C1R: variants seen among roughly 807,000 people sequenced by gnomAD.
C1R encodes the protein complement C1r subcomponent.
C1R carries 15 observed loss-of-function variants against 27.6 expected under a neutral mutation model. That is an observed-to-expected ratio of 0.54 (90% CI 0.36 to 0.84). The LOEUF is 0.84. Among genes scored for constraint, C1R ranks in the 40% least tolerant of loss-of-function variants. C1R has a pLI of 0.01. For synonymous variants in C1R, 253 were observed against 228.8 expected, an observed-to-expected ratio of 1.11 and a Z score of -0.95; for missense variants, 544 against 577.9, an observed-to-expected ratio of 0.94 and a Z score of 0.60.
At position 7,091,416 on chromosome 12, in the gene C1R, T is replaced by A. The variant is rs756208086; in HGVS notation, c.231+36A>T. On this transcript the variant is annotated intron_variant, in intron 2 of 10. Transcript: ENST00000647956. This position sits in a 1 kb window ranked among gnomAD's most constrained non-coding sequence, Gnocchi z 5.1. ...AGATCCCAGATCCCAGAGGGCCCAG[T>A]TTTGTCTCCCCTCTGCCCGCCCATC... is the stretch of plus-strand genomic sequence containing the variant. The A allele has an allele frequency of 2.8e-6, 2 of 721,140 alleles. No homozygotes were observed. Among genetic ancestry groups the A allele is most frequent in the Non-Finnish European group, 5.2e-6 (2 of 387,230 alleles). 44.7% of individuals were successfully genotyped at this position (721,140 alleles called of 1,614,324 possible).
At chr12:7,086,823 T>C (rs1161409132) in intron 7 of C1R, 9 of 163,242 alleles carry the variant, frequency 5.5e-5, no homozygotes, top group Non-Finnish European at 1.1e-4. Context: ...AAGCCTGTGC[T>C]CCAGGGCAGA....
Position 7,090,143 on chromosome 12 carries a change from G to C in C1R, c.337C>G (p.Leu113Val). ...GAGAAGTCTGTGTGGAAGGTCAGCA[G>C]CATCTTGTTCCCTTGGGACATAAAT... ...KEFMSQGNKM[L>V]LTFHTDFSNE... Residue 113 changes from leucine (L) to valine (V), a missense_variant, in exon 3 of 11, where the codon CTG becomes GTG. This residue lies in a region of C1R where 291 missense variants were observed against 209.0 expected (regional missense o/e 1.39). Transcript: ENST00000647956. 1 of 775,478 alleles carries C rather than the reference G, an allele frequency of 1.3e-6. No homozygotes were observed. Among genetic ancestry groups the C allele is most frequent in the South Asian group, 1.4e-5 (1 of 73,274 alleles). 48.0% of individuals were successfully genotyped at this position (775,478 alleles called of 1,614,324 possible).
chr12:7,080,750 A>C lies in C1R; in HGVS notation c.1900T>G (p.Ser634Ala). ...LRGKNRMDVF[S>A]QNMFCAGHPS... is the part of the protein sequence containing the mutation. ...TGTCCAGCACAGAACATGTTTTGAG[A>C]GAACACATCCATCCTATTCTTTCCC... The change falls in exon 11 of 11, where the codon TCT becomes GCT. Residue 634 changes from serine to alanine, a missense_variant. Ser to Ala is a moderately conservative substitution (Grantham distance 99, BLOSUM62 1). Coordinates refer to ENST00000647956, the MANE Select transcript of C1R (RefSeq NM_001733.7). The surrounding 1 kb of genome is among the most constrained non-coding windows in gnomAD (Gnocchi z 4.9). 1 of 1,613,988 alleles carries C rather than the reference A, an allele frequency of 6.2e-7. No individual in the cohort carries two copies.
At chr12:7,090,741 G>A (rs1000884094) in intron 2 of C1R, among the ~76,000 whole-genome samples, 1 of 152,104 alleles carries the variant, frequency 6.6e-6, no homozygotes, top group African/African-American at 2.4e-5. Context: ...GTGTCAGCAG[G>A]CACTGCCTCG....
rs951955134 is a variant in C1R at position 7,088,406 on chromosome 12, T to A, written c.1038+204A>T. 24 of 702,322 alleles carry A rather than the reference T, an allele frequency of 3.4e-5. No individual in the cohort carries two copies. The African/African-American group carries it at 3.7e-4, about 11-fold the overall frequency. 43.5% of individuals were successfully genotyped at this position (702,322 alleles called of 1,614,324 possible). On this transcript the variant is annotated intron_variant, in intron 7 of 10. Transcript: ENST00000647956. ...AGTGGCTATTCACAGGGGCCTTGAA[T>A]GAATGGGCTCAAGCAATCTTCCAGG...
rs375047432 is a variant in C1R, at chr12:7,080,630, C to T, written c.2020G>A (p.Val674Met). The change falls in exon 11 of 11, where the codon GTG (valine) becomes ATG (methionine). Residue 674 changes from valine (V) to methionine (M), a missense_variant. This residue lies in a region of C1R where 253 missense variants were observed against 368.9 expected (regional missense o/e 0.69). Coordinates refer to ENST00000647956, the MANE Select transcript of C1R (RefSeq NM_001733.7). This position sits in a 1 kb window ranked among gnomAD's most constrained non-coding sequence, Gnocchi z 4.9. ...CTGCTGCACCCGATGCCCCAGGACA[C>T]GATGCCCGTGGCCACCCAGCGATCA... ...NTDRWVATGIVSWGIGCSRGY... is the reference protein window; with the variant it reads ...NTDRWVATGIMSWGIGCSRGY... 4 of 1,613,768 alleles carry T rather than the reference C, an allele frequency of 2.5e-6. No individual in the cohort carries two copies. Among genetic ancestry groups the T allele is most frequent in the African/African-American group, 2.7e-5 (2 of 74,890 alleles).
At chr12:7,084,930 G>A (rs1938117643) in intron 9 of C1R, among the ~76,000 whole-genome samples, 1 of 146,440 alleles carries the variant, frequency 6.8e-6, no homozygotes, top group Admixed American at 6.8e-5. Context: ...TGATGGAAGT[G>A]GTGTTAGTGT....
At chr12:7,087,743 C>G (rs977878536) in intron 7 of C1R, 1 of 154,374 alleles carries the variant, frequency 6.5e-6, no homozygotes, top group Admixed American at 6.5e-5. Flanking sequence ...GGCTGTGTGA[C>G]TATGTGGGTT....
chr12:7,088,948 C>G lies in C1R; in HGVS notation c.807G>C (p.Gly269=), dbSNP rs748220833. Residue 269 remains glycine, a synonymous_variant, in exon 6 of 11, where the codon GGG becomes GGC. Transcript: ENST00000647956. ...ANGKNIGEFC[G]KQRPPDLDTS... ...TGTCGAGGTCGGGGGGCCTTTGCTT[C>G]CCACAGAACTCGCCAATGTTCTTCC... is the stretch of plus-strand genomic sequence containing the variant. 1 of 755,114 alleles carries G rather than the reference C, an allele frequency of 1.3e-6. No homozygotes were observed. The highest frequency in any genetic ancestry group is 1.7e-5 in the African/African-American group (1 of 58,320). The allele number at this position is 755,114 out of a possible 1,614,324, so 46.8% of individuals were successfully genotyped here.
At chr12:7,090,461 G>T in intron 2 of C1R, 2 of 572,526 alleles carry the variant, frequency 3.5e-6, no homozygotes, top group South Asian at 4.5e-5. Flanking sequence ...TTTGCGTGTT[G>T]TCCTGGACTG....
At chr12:7,082,754 T>C (rs1938087458) in intron 9 of C1R, among the ~76,000 whole-genome samples, 1 of 152,208 alleles carries the variant, frequency 6.6e-6, no homozygotes, top group African/African-American at 2.4e-5. Flanking sequence ...TCATAGACGA[T>C]AATTGTAGCT....
chr12:7,082,394 C>T (rs1938080289), intron 9 of C1R, among the ~76,000 whole-genome samples: 1 of 151,992 alleles, frequency 6.6e-6, no homozygotes. Context: ...TGCAGTGGCG[C>T]AATCTCGGCT....
In C1R at chr12:7,089,427, G is replaced by A. The variant is rs368607035; in HGVS notation, c.634C>T (p.Arg212Trp). ...CAGCGCAGGTCAGGGGGGTAGGACC[G>A]AGGGTACTCCAGGCTGGAGATGTAG... ...SGYISSLEYP[R>W]SYPPDLRCNY... The change falls in exon 5 of 11, where the codon CGG becomes TGG. Residue 212 changes from arginine to tryptophan, a missense_variant. Coordinates refer to ENST00000647956, the MANE Select transcript of C1R (RefSeq NM_001733.7). 5.5e-5 allele frequency: 43 copies of A among 779,764 alleles called. 1 individual carries two copies. The African/African-American group carries it at 5.8e-4, about 10-fold the overall frequency. 48.3% of individuals were successfully genotyped at this position (779,764 alleles called of 1,614,324 possible). A position where few individuals can be genotyped will look rare whatever the true frequency, so the allele number is the denominator to read the frequency against.
intron 2 of C1R, 45 bp from the exon 3 acceptor site, chr12:7,090,293 G>A: frequency 1.4e-6 from 1 of 695,886 alleles, no homozygotes; most frequent in Non-Finnish European, 2.7e-6. Flanking sequence ...CTGTTGCGGA[G>A]TGGCGCACGT....
Position 7,080,655 on chromosome 12 carries a change from A to T in C1R, c.1995T>A (p.Thr665=). The change falls in exon 11 of 11, where the codon ACT becomes ACA. Residue 665 remains threonine, a synonymous_variant. Transcript: ENST00000647956. This position sits in a 1 kb window ranked among gnomAD's most constrained non-coding sequence, Gnocchi z 4.9. The part of the protein sequence containing the change: ...GGVFAVRDPN[T]DRWVATGIVS... ...CGATGCCCGTGGCCACCCAGCGATC[A>T]GTGTTCGGGTCCCTTACTGCAAAAA... 1 of 1,613,880 alleles carries T rather than the reference A, an allele frequency of 6.2e-7. No individual in the cohort carries two copies. Among genetic ancestry groups the T allele is most frequent in the African/African-American group, 1.3e-5 (1 of 75,018 alleles).
chr12:7,081,133 G>C lies in C1R; in HGVS notation c.1517C>G (p.Pro506Arg). Residue 506 changes from proline (P) to arginine (R), a missense_variant, in exon 11 of 11, where the codon CCC (proline) becomes CGC (arginine). By Grantham distance (103) the Pro-to-Arg change is moderately radical (BLOSUM62 -2). Transcript: ENST00000647956. ...GTTGCTTTGCGCTTCGTGTTCCTTGGGATACAGGGTGTGGGCAGCTGTGAG... is the reference window on the plus strand; with the variant it reads ...GTTGCTTTGCGCTTCGTGTTCCTTGCGATACAGGGTGTGGGCAGCTGTGAG... The part of the protein sequence containing the change: ...WILTAAHTLY[P>R]KEHEAQSNAS... The C allele has an allele frequency of 6.2e-7, 1 of 1,614,032 alleles. No homozygotes were observed. Among genetic ancestry groups the C allele is most frequent in the Non-Finnish European group, 8.5e-7 (1 of 1,179,898 alleles).
At chr12:7,081,324 A>C in intron 10 of C1R, 23 bp from the exon 11 acceptor site, 1 of 1,599,442 alleles carries the variant, frequency 6.3e-7, no homozygotes. Flanking sequence ...CAGGGAAGAC[A>C]AGGGCAAGTC....
At chr12:7,082,436 A>T (rs1423912079) in intron 9 of C1R, among the ~76,000 whole-genome samples, 1 of 151,918 alleles carries the variant, frequency 6.6e-6, no homozygotes, top group Non-Finnish European at 1.5e-5. Context: ...GGTTCATGCC[A>T]TTCTCCTGCC....
At chr12:7,089,554 C>A (rs1263904478) in intron 4 of C1R, 33 bp downstream of exon 4, 4 of 780,634 alleles carry the variant, frequency 5.1e-6, no homozygotes, top group Admixed American at 1.7e-5. Context: ...CCTGGCTCAA[C>A]CCCTTCCCCT....
Sources: gnomAD v4.1 joint callset for allele counts (sites outside exome capture counted in the v4.1 genomes callset) on GRCh38, gnomAD v4.1.1 for gene constraint, gnomAD v4.1.1 regional missense constraint, Gnocchi (gnomAD v3.1) non-coding constraint, MANE v1.5 for transcripts, NCBI Gene and HGNC (gene_info 2026-07-23, HGNC 2026-07-21) for gene names.